Variants in PPP2R2D observed in about 807,000 individuals in gnomAD.
The protein encoded by PPP2R2D is protein phosphatase 2 regulatory subunit Bdelta, also known as serine/threonine-protein phosphatase 2A 55 kDa regulatory subunit B delta isoform.
In PPP2R2D, 9 loss-of-function variants were observed where a neutral mutation model predicts 31.1. The observed-to-expected ratio is 0.29, with a 90% confidence interval of 0.17 to 0.51. The LOEUF is 0.51. PPP2R2D is among the 20% of genes least tolerant of loss of function. The pLI is 0.98. For missense variants in PPP2R2D, 391 were observed against 465.6 expected (o/e 0.84, Z 1.48); for synonymous variants, 179 against 172.6 (o/e 1.04, Z -0.29).
intron 8 of PPP2R2D, among the ~76,000 whole-genome samples, chr10:131,955,120 G>A (rs782451194): frequency 3.3e-5 from 5 of 152,196 alleles, no homozygotes; most frequent in Non-Finnish European, 7.3e-5. Flanking sequence ...ACAAAAGCAT[G>A]GACGGTATTG....
chr10:131,938,914 A>G (rs1378815391), intron 3 of PPP2R2D, among the ~76,000 whole-genome samples: 1 of 152,170 alleles, frequency 6.6e-6, no homozygotes, highest in Non-Finnish European at 1.5e-5. Flanking sequence ...GACTCAGCAG[A>G]CACTTTCTCT....
At chr10:131,907,091 T>A (rs2035602061) in intron 2 of PPP2R2D, among the ~76,000 whole-genome samples, 1 of 152,142 alleles carries the variant, frequency 6.6e-6, no homozygotes, top group Non-Finnish European at 1.5e-5. Context: ...TGGGGAAATG[T>A]ACTTAGAATC....
At chr10:131,954,540 G>A (rs999518362) in intron 8 of PPP2R2D, among the ~76,000 whole-genome samples, 3 of 152,182 alleles carry the variant, frequency 2.0e-5, no homozygotes, top group Admixed American at 6.5e-5. Context: ...TGTGTCTCCC[G>A]CCTCTGTGGC....
chr10:131,911,287 G>A (rs2035678404), intron 2 of PPP2R2D, among the ~76,000 whole-genome samples: 1 of 152,222 alleles, frequency 6.6e-6, no homozygotes, highest in Admixed American at 6.5e-5. Flanking sequence ...TGCTGCTGGG[G>A]AGAGGTCCCC....
At chr10:131,953,719 TGTCTTAGTGACTTGCTGGTGTGCG>T (rs2036737680) in intron 8 of PPP2R2D, among the ~76,000 whole-genome samples, 1 of 58,352 alleles carries the variant, frequency 1.7e-5, no homozygotes, top group Non-Finnish European at 3.2e-5. Flanking sequence ...GGGGGGTCAC[TGTCTTAGTGACTTGCTGGTGTGCG>T]GGGGTTCACT....
intron 3 of PPP2R2D, among the ~76,000 whole-genome samples, chr10:131,937,007 G>A (rs1554896607): frequency 6.6e-6 from 1 of 152,230 alleles, no homozygotes; most frequent in African/African-American, 2.4e-5. Context: ...CCGCCAAGAG[G>A]GTGAAGCTGC....
At chr10:131,903,229 G>T (rs1365828555) in intron 2 of PPP2R2D, among the ~76,000 whole-genome samples, 4 of 152,092 alleles carry the variant, frequency 2.6e-5, no homozygotes, top group African/African-American at 9.7e-5. Context: ...CACTTTGGGA[G>T]GCCAAGGTGG....
the PPP2R2D span, chr10:131,971,123 G>A: frequency 3.7e-5 from 26 of 700,432 alleles, no homozygotes; most frequent in Non-Finnish European, 5.5e-5. Context: ...GGGAGTCCTG[G>A]GGCTGGGGGC....
Position 131,956,562 on chromosome 10 carries a change from T to C in PPP2R2D, c.*599T>C. The C allele has an allele frequency of 1.0e-6, 1 of 985,038 alleles. No individual in the cohort carries two copies. The highest frequency in any genetic ancestry group is 1.2e-6 in the Non-Finnish European group (1 of 829,542). The allele number at this position is 985,038 out of a possible 1,614,324, so 61.0% of individuals were successfully genotyped here. ...TTTTTAAATCCAAACAGAAGTATTG[T>C]CTTTTTATTTAATTTTATTGCATAG... On this transcript the variant is annotated 3_prime_UTR_variant, in exon 9 of 9. Coordinates refer to ENST00000455566, the MANE Select transcript of PPP2R2D (RefSeq NM_018461.5).
At chr10:131,940,458 T>C in intron 4 of PPP2R2D, 124 bp from the exon 5 acceptor site, 1 of 613,196 alleles carries the variant, frequency 1.6e-6, no homozygotes. Flanking sequence ...ATATTCATGT[T>C]CAGAGACCCC....
intron 3 of PPP2R2D, among the ~76,000 whole-genome samples, chr10:131,936,755 T>C (rs1679198020): frequency 6.6e-6 from 1 of 152,212 alleles, no homozygotes; most frequent in African/African-American, 2.4e-5. Context: ...AGTGACAGAT[T>C]TATACAGGAG....
chr10:131,922,601 C>T (rs1369921689), intron 2 of PPP2R2D, among the ~76,000 whole-genome samples: 1 of 151,954 alleles, frequency 6.6e-6, no homozygotes, highest in African/African-American at 2.4e-5. Flanking sequence ...TACAGGTGCA[C>T]ACCACCACAC....
chr10:131,969,836 C>G, the PPP2R2D span: 2 of 152,292 alleles, frequency 1.3e-5, no homozygotes, highest in African/African-American at 2.4e-5. Context: ...GAACGCTCTT[C>G]AGAACCCACA....
intron 2 of PPP2R2D, among the ~76,000 whole-genome samples, chr10:131,921,555 G>GA (rs1554894252): frequency 7.2e-5 from 11 of 152,204 alleles, no homozygotes; most frequent in Non-Finnish European, 1.0e-4. Flanking sequence ...AGAAGAACAG[G>GA]CTGGGGCAAT....
chr10:131,908,131 G>T (rs1236063525), intron 2 of PPP2R2D, among the ~76,000 whole-genome samples: 1 of 152,156 alleles, frequency 6.6e-6, no homozygotes, highest in Non-Finnish European at 1.5e-5. Flanking sequence ...CTTGGTTTTA[G>T]CTATATTTAA....
At chr10:131,942,066 TA>T (rs2036452196) in intron 5 of PPP2R2D, among the ~76,000 whole-genome samples, 1 of 152,174 alleles carries the variant, frequency 6.6e-6, no homozygotes. Flanking sequence ...CTGCTGATCC[TA>T]AAGTAGAAGT....
At chr10:131,960,415 G>C (rs4880250), downstream of PPP2R2D, among the ~76,000 whole-genome samples, 4 of 152,108 alleles carry the variant, frequency 2.6e-5, no homozygotes, top group Admixed American at 2.0e-4. Flanking sequence ...TGGATTTAAC[G>C]TGCCTTTTTT....
chr10:131,956,146 A>G lies in PPP2R2D; in HGVS notation c.*183A>G, dbSNP rs550893317. 2.5e-4 allele frequency: 310 copies of G among 1,245,968 alleles called. No individual in the cohort carries two copies. In the Middle Eastern group the frequency reaches 5.1e-3, roughly 21 times the overall value. The allele number at this position is 1,245,968 out of a possible 1,614,324, so 77.2% of individuals were successfully genotyped here. The stretch of plus-strand genomic sequence containing the variant: ...TGTGGTTCCGCCTCGGCGAGGCGCG[A>G]GACAGGCGCTGCTGCTCACGTGGAG... On this transcript the variant is annotated 3_prime_UTR_variant, in exon 9 of 9. Transcript: ENST00000455566.
chr10:131,902,622 A>G (rs1005219186), intron 2 of PPP2R2D, among the ~76,000 whole-genome samples: 6 of 152,182 alleles, frequency 3.9e-5, no homozygotes, highest in Non-Finnish European at 8.8e-5. Context: ...TTTTTGTTTG[A>G]TTTTGCATAT....
Sources: gnomAD v4.1 joint callset for allele counts (sites outside exome capture counted in the v4.1 genomes callset) on GRCh38, gnomAD v4.1.1 for gene constraint, MANE v1.5 for transcripts, NCBI Gene and HGNC (gene_info 2026-07-23, HGNC 2026-07-21) for gene names.